Variants in IL17RA observed in about 807,000 individuals in gnomAD.
IL17RA encodes interleukin 17 receptor A, also known as interleukin-17 receptor A.
Under a neutral mutation model 50.4 loss-of-function variants are expected in IL17RA, and 34 were observed. The ratio of observed to expected loss-of-function variants is 0.67; its 90% CI spans 0.51 to 0.90. The LOEUF is 0.90. IL17RA is among the 40% of genes least tolerant of loss of function. The pLI, the probability that IL17RA is intolerant of heterozygous loss-of-function variation, is 0.00. For synonymous variants in IL17RA, 585 were observed against 510.4 expected (o/e 1.15, Z -1.97); for missense variants, 1,276 against 1,169.8 (o/e 1.09, Z -1.32).
chr22:17,109,633 C>T lies in IL17RA; in HGVS notation c.2414C>T (p.Pro805Leu). 1.9e-6 allele frequency: 3 copies of T among 1,608,526 alleles called. No homozygotes were observed. The highest frequency in any genetic ancestry group is 2.5e-6 in the Non-Finnish European group (3 of 1,177,972). ...ATCTCCAGGAGCTCCCCGCAGCCCC[C>T]CGAGGGACTCACGGAAATGGAGGAA... ...GYISRSSPQP[P>L]EGLTEMEEEE... The change falls in exon 13 of 13, where the codon CCC becomes CTC. Residue 805 changes from proline (P) to leucine (L), a missense_variant. Physicochemically the swap from Pro to Leu is moderately conservative, Grantham distance 98. Coordinates refer to ENST00000319363, the MANE Select transcript of IL17RA (RefSeq NM_014339.7).
Position 17,103,559 on chromosome 22 carries a change from C to G in IL17RA, c.828C>G (p.Cys276Trp). ...TCACTCTACGCAACCTTAAAGGGTG[C>G]TGTCGCCACCAAGTGCAGGTGGGTG... ...VTLTLRNLKG[C>W]CRHQVQIQPF... Residue 276 changes from cysteine to tryptophan, a missense_variant, in exon 8 of 13, where the codon TGC becomes TGG. Transcript: ENST00000319363. 6.2e-7 allele frequency: 1 copy of G among 1,612,984 alleles called. No homozygotes were observed. Among genetic ancestry groups the G allele is most frequent in the Non-Finnish European group, 8.5e-7 (1 of 1,179,576 alleles).
At chr22:17,105,982 G>A (rs952335497) in intron 11 of IL17RA, 28 bp downstream of exon 11, 1 of 1,573,504 alleles carries the variant, frequency 6.4e-7, no homozygotes, top group Non-Finnish European at 8.7e-7. Flanking sequence ...GGCTGTCCTG[G>A]AGTCAGGCTC....
intron 2 of IL17RA, 138 bp from the exon 3 acceptor site, chr22:17,097,659 G>C (rs1363962103): frequency 2.2e-6 from 2 of 925,782 alleles, no homozygotes; most frequent in African/African-American, 3.3e-5. Flanking sequence ...CAGTAAAGCT[G>C]AGGACGCGGC....
chr22:17,085,023 G>C lies in IL17RA; in HGVS notation c.-69G>C. ...CCGACTCGAACTCCACCGCGGAAAA[G>C]AAAGCCTCAGAACGTTCGTTCGCTG... is the stretch of plus-strand genomic sequence containing the variant. On this transcript the variant is annotated 5_prime_UTR_variant, in exon 1 of 13. Coordinates refer to ENST00000319363, the MANE Select transcript of IL17RA (RefSeq NM_014339.7). The C allele has an allele frequency of 7.8e-7, 1 of 1,275,164 alleles. No homozygotes were observed. The highest frequency in any genetic ancestry group is 2.6e-5 in the South Asian group (1 of 38,868). 79.0% of individuals were successfully genotyped at this position (1,275,164 alleles called of 1,614,324 possible). A position where few individuals can be genotyped will look rare whatever the true frequency, so the allele number is the denominator to read the frequency against.
rs1259443175 is a variant in IL17RA at position 17,113,847 on chromosome 22, A to G, written c.*4027A>G. ...CGCCCTAGGTAGCTTGCTCATCTGTAAAGTGGGTGGGGCAGGAGTTCCCAC... is the reference window on the plus strand; with the variant it reads ...CGCCCTAGGTAGCTTGCTCATCTGTGAAGTGGGTGGGGCAGGAGTTCCCAC... On this transcript the variant is annotated 3_prime_UTR_variant, in exon 13 of 13. Coordinates refer to ENST00000319363, the MANE Select transcript of IL17RA (RefSeq NM_014339.7). 6.6e-6 allele frequency: 1 copy of G among 152,240 alleles called. No homozygotes were observed. Among genetic ancestry groups the G allele is most frequent in the African/African-American group, 2.4e-5 (1 of 41,452 alleles). The allele number at this position is 152,240 out of a possible 1,614,324, so 9.4% of individuals were successfully genotyped here.
At chr22:17,087,577 T>C (rs9606607) in intron 1 of IL17RA, among the ~76,000 whole-genome samples, 63,956 of 152,150 alleles carry the variant, frequency 0.42, 16,254 homozygotes, top group Middle Eastern at 0.71. Flanking sequence ...TCAGCTCTGC[T>C]TGGAAGGTAG....
chr22:17,086,372 GAAAAAA>G (rs35941988), intron 1 of IL17RA, among the ~76,000 whole-genome samples: 1 of 147,588 alleles, frequency 6.8e-6, no homozygotes, highest in Non-Finnish European at 1.5e-5. Flanking sequence ...CTATGTCGCA[GAAAAAA>G]AAAAAAAGAT....
chr22:17,090,705 T>A (rs2061344995), intron 1 of IL17RA, among the ~76,000 whole-genome samples: 1 of 152,224 alleles, frequency 6.6e-6, no homozygotes, highest in South Asian at 2.1e-4. Flanking sequence ...TTCTCCCTGT[T>A]TTTTATTACA....
chr22:17,093,943 A>C (rs1031317052), intron 1 of IL17RA: 1 of 111,794 alleles, frequency 8.9e-6, no homozygotes, highest in African/African-American at 2.8e-5. Context: ...GTGGCAGGTG[A>C]CAGAATAGCC....
chr22:17,109,553 A>G lies in IL17RA; in HGVS notation c.2334A>G (p.Pro778=). The change falls in exon 13 of 13, where the codon CCA becomes CCG. Residue 778 remains proline, a synonymous_variant. Transcript: ENST00000319363. The stretch of plus-strand genomic sequence containing the variant: ...GACCCGCCATGGTCCTCACAGACCC[A>G]CACACGCCCTACGAGGAGGAGCAGC... ...CSRPAMVLTD[P]HTPYEEEQRQ... 6.2e-6 allele frequency: 10 copies of G among 1,600,486 alleles called. No individual in the cohort carries two copies. Among genetic ancestry groups the G allele is most frequent in the Non-Finnish European group, 8.5e-6 (10 of 1,173,590 alleles).
rs1243050425 is a variant in IL17RA at position 17,089,690 on chromosome 22, T to C, written c.138+4461T>C. ...GAGTTCAAGACCAGTCTGGGCAACA[T>C]GGCAAAACCCTGTCTCTACAAAAAA... On this transcript the variant is annotated intron_variant, in intron 1 of 12. Transcript: ENST00000319363. Among the ~76,000 whole-genome samples the C allele has an allele frequency of 3.3e-5, 5 of 152,144 alleles. No individual in the cohort carries two copies. The South Asian group carries it at 1.0e-3, about 32-fold the overall frequency.
At position 17,110,562 on chromosome 22, in the gene IL17RA, C is replaced by T. The variant is rs1314104155; in HGVS notation, c.*742C>T. The T allele has an allele frequency of 4.6e-5, 7 of 152,022 alleles. No homozygotes were observed. Among genetic ancestry groups the T allele is most frequent in the African/African-American group, 1.5e-4 (6 of 41,156 alleles). The allele number at this position is 152,022 out of a possible 1,614,324, so 9.4% of individuals were successfully genotyped here. A position where few individuals can be genotyped will look rare whatever the true frequency, so the allele number is the denominator to read the frequency against. On this transcript the variant is annotated 3_prime_UTR_variant, in exon 13 of 13. Transcript: ENST00000319363. ...ACGCTGAATGGGCCAGGTGCAGTGGCTCATGCTTGTAATCCCAGCACTTTG... is the reference window on the plus strand; with the variant it reads ...ACGCTGAATGGGCCAGGTGCAGTGGTTCATGCTTGTAATCCCAGCACTTTG...
chr22:17,107,814 G>A, intron 12 of IL17RA, 46 bp downstream of exon 12: 2 of 1,567,114 alleles, frequency 1.3e-6, no homozygotes, highest in Non-Finnish European at 1.8e-6. Flanking sequence ...TAAAGCAGTG[G>A]AGGGTTCTCC....
At chr22:17,100,152 A>C (rs1481148762) in intron 4 of IL17RA, among the ~76,000 whole-genome samples, 2 of 151,570 alleles carry the variant, frequency 1.3e-5, no homozygotes, top group African/African-American at 4.9e-5. Flanking sequence ...AAAAAAAAAA[A>C]AAAAAAAAAC....
At chr22:17,105,471 A>C (rs2061410209) in intron 9 of IL17RA, 120 bp from the exon 10 acceptor site, 1 of 957,588 alleles carries the variant, frequency 1.0e-6, no homozygotes, top group African/African-American at 1.6e-5. Context: ...ACCTGGATCT[A>C]GAGTGCCTGG....
chr22:17,087,874 CAG>C (rs1200979995), intron 1 of IL17RA, among the ~76,000 whole-genome samples: 3 of 152,192 alleles, frequency 2.0e-5, no homozygotes, highest in African/African-American at 7.2e-5. Flanking sequence ...TATTTCATTA[CAG>C]AGTCTTTTTT....
chr22:17,108,432 G>T lies in IL17RA; in HGVS notation c.1213G>T (p.Ala405Ser). ...GAAATTCGCCCAGTTCCTGCTCACC[G>T]CCTGCGGCACGGAAGTGGCCCTGGA... ...VLKFAQFLLT[A>S]CGTEVALDLL... is the part of the protein sequence containing the mutation. Residue 405 changes from alanine (A) to serine (S), a missense_variant, in exon 13 of 13, where the codon GCC becomes TCC. Physicochemically the swap from Ala to Ser is moderately conservative, Grantham distance 99. Coordinates refer to ENST00000319363, the MANE Select transcript of IL17RA (RefSeq NM_014339.7). 6.2e-7 allele frequency: 1 copy of T among 1,613,974 alleles called. No individual in the cohort carries two copies.
At position 17,100,396 on chromosome 22, in the gene IL17RA, G is replaced by C. The variant is rs142199303; in HGVS notation, c.465G>C (p.Gln155His). ...TFSHFVVDPD[Q>H]EYEVTVHHLP... ...GCCACTTTGTGGTTGACCCTGACCAGGAATATGAGGTGACCGTTCACCACC... is the reference window on the plus strand; with the variant it reads ...GCCACTTTGTGGTTGACCCTGACCACGAATATGAGGTGACCGTTCACCACC... The change falls in exon 5 of 13, where the codon CAG (glutamine) becomes CAC (histidine). Residue 155 changes from glutamine to histidine, a missense_variant. Transcript: ENST00000319363. The C allele has an allele frequency of 1.6e-4, 259 of 1,614,118 alleles. No homozygotes were observed. In the African/African-American group the frequency reaches 3.2e-3, roughly 20 times the overall value.
intron 8 of IL17RA, among the ~76,000 whole-genome samples, 154 bp from the exon 9 acceptor site, chr22:17,104,572 T>C (rs1298420416): frequency 6.6e-6 from 1 of 152,074 alleles, no homozygotes; most frequent in African/African-American, 2.4e-5. Flanking sequence ...TGGGCAGGGG[T>C]TCGCTGACCC....
Sources: gnomAD v4.1 joint callset for allele counts (sites outside exome capture counted in the v4.1 genomes callset) on GRCh38, gnomAD v4.1.1 for gene constraint, MANE v1.5 for transcripts, NCBI Gene and HGNC (gene_info 2026-07-23, HGNC 2026-07-21) for gene names.